SRSF4: variants seen among roughly 807,000 people sequenced by gnomAD.
The protein encoded by SRSF4 is serine and arginine rich splicing factor 4.
SRSF4 carries 12 observed loss-of-function variants against 48.8 expected under a neutral mutation model. The observed-to-expected ratio is 0.25, with a 90% CI of 0.16 to 0.40. The LOEUF (loss-of-function observed/expected upper bound fraction) is 0.40. Among genes scored for constraint, SRSF4 ranks in the 10% least tolerant of loss-of-function variants. The pLI, the probability that SRSF4 is intolerant of heterozygous loss-of-function variation, is 1.00. For missense variants in SRSF4, 466 were observed against 667.1 expected, an observed-to-expected ratio of 0.70 and a Z score of 3.32; for synonymous variants, 248 against 232.5, an observed-to-expected ratio of 1.07 and a Z score of -0.61.
chr1:29,149,257 C>T, intron 5 of SRSF4, 31 bp from the exon 6 acceptor site: 1 of 1,595,288 alleles, frequency 6.3e-7, no homozygotes, highest in Non-Finnish European at 8.5e-7. Flanking sequence ...GTTTGTGTCA[C>T]ATGTGACTTC....
At chr1:29,180,958 G>C (rs1672946009) in intron 1 of SRSF4, among the ~76,000 whole-genome samples, 1 of 152,176 alleles carries the variant, frequency 6.6e-6, no homozygotes, top group Non-Finnish European at 1.5e-5. Flanking sequence ...GCAATTTTTC[G>C]GTAAGTTGGA....
chr1:29,179,042 C>G (rs977174580), intron 1 of SRSF4, among the ~76,000 whole-genome samples: 6 of 152,108 alleles, frequency 3.9e-5, no homozygotes, highest in Non-Finnish European at 8.8e-5. Context: ...ATGAACAGTT[C>G]CTTAAAAAAA....
chr1:29,170,294 A>T (rs577176445), intron 1 of SRSF4: 2 of 152,346 alleles, frequency 1.3e-5, no homozygotes, highest in African/African-American at 4.8e-5. Context: ...ATTTAGAATA[A>T]AACTCTTGGG....
chr1:29,148,977 C>A lies in SRSF4; in HGVS notation c.918G>T (p.Glu306Asp). 6.2e-7 allele frequency: 1 copy of A among 1,613,268 alleles called. No individual in the cohort carries two copies. The highest frequency in any genetic ancestry group is 1.1e-5 in the South Asian group (1 of 91,032). Residue 306 changes from glutamate to aspartate, a missense_variant, in exon 6 of 6, where the codon GAG becomes GAT. By Grantham distance (45) the Glu-to-Asp change is conservative. This residue lies in a region of SRSF4 where 402 missense variants were observed against 437.0 expected (regional missense o/e 0.92). Coordinates refer to ENST00000373795, the MANE Select transcript of SRSF4 (RefSeq NM_005626.5). The part of the protein sequence containing the change: ...SKSKSRSRSQ[E>D]RRVEEEKRGS... Reference sequence around the variant, plus strand: ...CTCGCTTCTCCTCCTCCACTCTCCTCTCCTGACTCCTGCTCCGACTTTTGC... The same window carrying A: ...CTCGCTTCTCCTCCTCCACTCTCCTATCCTGACTCCTGCTCCGACTTTTGC...
chr1:29,169,831 C>G (rs1672722743), intron 1 of SRSF4: 2 of 152,112 alleles, frequency 1.3e-5, no homozygotes, highest in Non-Finnish European at 2.9e-5. Flanking sequence ...TCCTAAACAC[C>G]AAACAGTAAA....
At chr1:29,163,300 T>C (rs1345240685) in intron 1 of SRSF4, among the ~76,000 whole-genome samples, 2 of 152,206 alleles carry the variant, frequency 1.3e-5, no homozygotes, top group East Asian at 3.8e-4. Flanking sequence ...AAATTTATTT[T>C]ACAGAAAAAT....
At chr1:29,162,691 T>C (rs1672617133) in intron 1 of SRSF4, among the ~76,000 whole-genome samples, 1 of 152,242 alleles carries the variant, frequency 6.6e-6, no homozygotes, top group Non-Finnish European at 1.5e-5. Context: ...AGTCATACTC[T>C]GGCTCGGCAC....
intron 4 of SRSF4, among the ~76,000 whole-genome samples, chr1:29,152,196 G>T (rs1171705689): frequency 1.3e-5 from 2 of 152,188 alleles, no homozygotes; most frequent in African/African-American, 4.8e-5. Context: ...TGCTAGCTAT[G>T]TTATCATGGT....
At chr1:29,149,704 AAG>A (rs67642388) in intron 5 of SRSF4, among the ~76,000 whole-genome samples, 23,257 of 133,164 alleles carry the variant, frequency 0.17, 2,504 homozygotes, top group Non-Finnish European at 0.25. Context: ...AAAAAAAAAA[AAG>A]AAAAAGAAGC....
rs140800395 is a variant in SRSF4, at chr1:29,176,184, G to A, written c.107+5462C>T. Among the ~76,000 whole-genome samples, 404 of 152,148 alleles carry A rather than the reference G, an allele frequency of 2.7e-3. 1 individual carries two copies. Among genetic ancestry groups the A allele is most frequent in the African/African-American group, 6.9e-3 (286 of 41,490 alleles). ...GGAGAATTGCTTGAACCCAAAAGGC[G>A]GAAGTTGCAGTGAGCTGAGATTGTA... On this transcript the variant is annotated intron_variant, in intron 1 of 5. Transcript: ENST00000373795.
At chr1:29,169,470 T>C (rs1672715231) in intron 1 of SRSF4, 1 of 152,210 alleles carries the variant, frequency 6.6e-6, no homozygotes, top group Admixed American at 6.5e-5. Context: ...GAAAACACCA[T>C]TTCTGCATGT....
At position 29,181,767 on chromosome 1, in the gene SRSF4, T is replaced by C; in HGVS notation, c.-15A>G. Reference sequence around the variant, plus strand: ...ACCCGCGGCATCCCGGCAACGGCAGTGATGGCTGGCCCCGGCCCCAGCCCC... The same window carrying C: ...ACCCGCGGCATCCCGGCAACGGCAGCGATGGCTGGCCCCGGCCCCAGCCCC... On this transcript the variant is annotated 5_prime_UTR_variant, in exon 1 of 6. Transcript: ENST00000373795. 4 of 1,566,406 alleles carry C rather than the reference T, an allele frequency of 2.6e-6. No individual in the cohort carries two copies. Among genetic ancestry groups the C allele is most frequent in the Non-Finnish European group, 1.7e-6 (2 of 1,161,626 alleles).
chr1:29,170,249 T>A (rs1278671949), intron 1 of SRSF4: 1 of 151,938 alleles, frequency 6.6e-6, no homozygotes, highest in Non-Finnish European at 1.5e-5. Flanking sequence ...TAAAAACGAT[T>A]TGAAAAAACT....
intron 1 of SRSF4, among the ~76,000 whole-genome samples, chr1:29,179,846 C>T (rs1363767460): frequency 6.6e-6 from 1 of 152,150 alleles, no homozygotes; most frequent in Admixed American, 6.6e-5. Flanking sequence ...TGCCTCCTCC[C>T]CCAATTCATT....
intron 1 of SRSF4, among the ~76,000 whole-genome samples, chr1:29,163,731 A>T (rs1207704695): frequency 1.3e-5 from 2 of 152,196 alleles, no homozygotes; most frequent in Non-Finnish European, 2.9e-5. Context: ...AAATGAAGAA[A>T]TCAAGGCACA....
intron 1 of SRSF4, among the ~76,000 whole-genome samples, chr1:29,175,202 CAGG>C (rs1672820480): frequency 6.8e-6 from 1 of 146,572 alleles, no homozygotes; most frequent in African/African-American, 2.5e-5. Flanking sequence ...ACTTTGAGGT[CAGG>C]AGTTCAAAAC....
intron 1 of SRSF4, among the ~76,000 whole-genome samples, chr1:29,176,388 T>A (rs1672853810): frequency 6.6e-6 from 1 of 152,048 alleles, no homozygotes; most frequent in Admixed American, 6.6e-5. Context: ...CTCTGCCACT[T>A]GGTGGTGGGT....
chr1:29,155,030 T>C (rs1057464740), intron 3 of SRSF4, 120 bp from the exon 4 acceptor site: 1 of 917,178 alleles, frequency 1.1e-6, no homozygotes, highest in Admixed American at 2.8e-5. Context: ...AAGTTTACTC[T>C]TAAATATTTT....
At chr1:29,153,411 G>A (rs911880190) in intron 4 of SRSF4, among the ~76,000 whole-genome samples, 1 of 152,010 alleles carries the variant, frequency 6.6e-6, no homozygotes, top group Non-Finnish European at 1.5e-5. Flanking sequence ...GCCTCCCAAA[G>A]TGCTGGGATT....
Sources: allele counts gnomAD v4.1 joint callset (sites outside exome capture counted in the v4.1 genomes callset), GRCh38; gene constraint gnomAD v4.1.1; regional missense constraint gnomAD v4.1.1; transcripts MANE v1.5; gene names NCBI Gene and HGNC (gene_info 2026-07-23, HGNC 2026-07-21).